TBL1XR1: variants seen among roughly 807,000 people sequenced by gnomAD.
TBL1XR1 encodes F-box-like/WD repeat-containing protein TBL1XR1.
A neutral mutation model predicts 66.9 loss-of-function variants in TBL1XR1; 5 were observed. That is an observed-to-expected ratio of 0.07 (90% CI 0.04 to 0.16). The LOEUF (loss-of-function observed/expected upper bound fraction) is 0.16. Ranked by LOEUF, TBL1XR1 falls within the 10% of genes least tolerant of loss-of-function variation. The pLI, the probability that TBL1XR1 is intolerant of heterozygous loss-of-function variation, is 1.00. For missense variants in TBL1XR1, 238 were observed against 623.2 expected, an observed-to-expected ratio of 0.38 and a Z score of 6.58; for synonymous variants, 210 against 206.0, an observed-to-expected ratio of 1.02 and a Z score of -0.17.
chr3:177,133,659 T>G (rs939982643), intron 1 of TBL1XR1, among the ~76,000 whole-genome samples: 5 of 152,062 alleles, frequency 3.3e-5, no homozygotes, highest in Non-Finnish European at 7.4e-5. Context: ...GCCAACACTT[T>G]GAGAGGCGGA....
In TBL1XR1 at chr3:177,135,344, T is replaced by C. The variant is rs1202947626; in HGVS notation, c.-121-36803A>G. On this transcript the variant is annotated intron_variant, in intron 1 of 15. Coordinates refer to ENST00000457928, the MANE Select transcript of TBL1XR1 (RefSeq NM_024665.7). ...GTGTGTGTGTGTGTGTATACATATA[T>C]ATATATATATATATATATATATATA... Among the ~76,000 whole-genome samples the C allele has an allele frequency of 5.9e-3, 83 of 14,186 alleles. 1 individual carries two copies. Among genetic ancestry groups the C allele is most frequent in the Non-Finnish European group, 8.9e-3 (73 of 8,248 alleles). The allele number at this position is 14,186 out of a possible 152,430, so 9.3% of individuals were successfully genotyped here.
intron 1 of TBL1XR1, among the ~76,000 whole-genome samples, chr3:177,185,076 A>AT (rs549114520): frequency 2.0e-5 from 3 of 151,508 alleles, no homozygotes; most frequent in South Asian, 2.1e-4. Flanking sequence ...CGATTTTTCA[A>AT]TTTTTTTTTC....
chr3:177,067,256 G>A (rs974613435), intron 2 of TBL1XR1, among the ~76,000 whole-genome samples: 4 of 152,118 alleles, frequency 2.6e-5, no homozygotes, highest in African/African-American at 9.7e-5. Context: ...TGTTTGTCAC[G>A]GGGAACAATT....
At chr3:177,078,466 T>C (rs1323825370) in intron 2 of TBL1XR1, among the ~76,000 whole-genome samples, 9 of 151,624 alleles carry the variant, frequency 5.9e-5, no homozygotes. Context: ...GAACCTGTAG[T>C]CCCAGCTACT....
At chr3:177,198,383 CT>C (rs1390472643), upstream of TBL1XR1, among the ~76,000 whole-genome samples, 2 of 152,136 alleles carry the variant, frequency 1.3e-5, no homozygotes, top group African/African-American at 4.8e-5. Context: ...AATAATGTAA[CT>C]AAATGTTTAC....
chr3:177,033,725 T>C (rs1298670003), intron 13 of TBL1XR1, among the ~76,000 whole-genome samples: 3 of 152,142 alleles, frequency 2.0e-5, no homozygotes, highest in Non-Finnish European at 4.4e-5. Flanking sequence ...GTGGTATACA[T>C]ACACCATGGA....
chr3:177,128,762 T>G (rs989963295), intron 1 of TBL1XR1, among the ~76,000 whole-genome samples: 1 of 152,242 alleles, frequency 6.6e-6, no homozygotes, highest in Non-Finnish European at 1.5e-5. Context: ...CACACAACTC[T>G]CTAAAGCTTC....
At chr3:177,108,843 A>G (rs1390313096) in intron 1 of TBL1XR1, among the ~76,000 whole-genome samples, 1 of 152,164 alleles carries the variant, frequency 6.6e-6, no homozygotes, top group African/African-American at 2.4e-5. Context: ...CCTCTTTGCC[A>G]GAGCAAATAG....
chr3:177,062,844 T>C (rs1718692105), intron 3 of TBL1XR1, among the ~76,000 whole-genome samples: 1 of 151,884 alleles, frequency 6.6e-6, no homozygotes, highest in East Asian at 1.9e-4. Context: ...GAAAAGCAAG[T>C]TTAAGAAGAC....
intron 1 of TBL1XR1, chr3:177,160,992 TC>T (rs1333435156): frequency 9.6e-5 from 14 of 145,110 alleles, no homozygotes; most frequent in African/African-American, 3.6e-4. Context: ...TGAAACTCTG[TC>T]TCAAAAAAAA....
At chr3:177,196,919 G>A (rs1577468250) in intron 1 of TBL1XR1, among the ~76,000 whole-genome samples, 3 of 151,738 alleles carry the variant, frequency 2.0e-5, no homozygotes, top group Admixed American at 6.6e-5. Flanking sequence ...AGAGGAAAAC[G>A]GGGGGATGGG....
At chr3:177,178,518 C>T (rs1451306128) in intron 1 of TBL1XR1, among the ~76,000 whole-genome samples, 4 of 151,958 alleles carry the variant, frequency 2.6e-5, no homozygotes, top group Admixed American at 2.6e-4. Flanking sequence ...AATAAAAATA[C>T]AAATAAAAAT....
intron 1 of TBL1XR1, among the ~76,000 whole-genome samples, chr3:177,140,799 A>G (rs1367906130): frequency 6.6e-6 from 1 of 152,224 alleles, no homozygotes; most frequent in African/African-American, 2.4e-5. Flanking sequence ...AAATCATCCT[A>G]CAGGAAAAAA....
At chr3:177,174,844 T>G (rs915354057) in intron 1 of TBL1XR1, among the ~76,000 whole-genome samples, 2 of 152,184 alleles carry the variant, frequency 1.3e-5, no homozygotes, top group African/African-American at 4.8e-5. Flanking sequence ...AACATAATCC[T>G]GCCGTTCCGT....
At position 177,021,879 on chromosome 3, in the gene TBL1XR1, A is replaced by C. The variant is rs1479289394; in HGVS notation, c.*3619T>G. 6.6e-6 allele frequency: 1 copy of C among 152,630 alleles called. No individual in the cohort carries two copies. The highest frequency in any genetic ancestry group is 6.5e-5 in the Admixed American group (1 of 15,280). The allele number at this position is 152,630 out of a possible 1,614,324, so 9.5% of individuals were successfully genotyped here. ...TTCTGTAGAAATGTACAATGTACTT[A>C]AGATAATGAAAATTGTAGCGCTGCA... On this transcript the variant is annotated 3_prime_UTR_variant, in exon 16 of 16. Coordinates refer to ENST00000457928, the MANE Select transcript of TBL1XR1 (RefSeq NM_024665.7).
intron 1 of TBL1XR1, among the ~76,000 whole-genome samples, chr3:177,148,887 C>G (rs1268143210): frequency 6.6e-6 from 1 of 150,700 alleles, no homozygotes; most frequent in East Asian, 2.0e-4. Flanking sequence ...GCCTGTGATC[C>G]CAGCTACTCG....
intron 1 of TBL1XR1, among the ~76,000 whole-genome samples, chr3:177,178,460 A>G (rs1734418099): frequency 6.6e-6 from 1 of 152,202 alleles, no homozygotes; most frequent in African/African-American, 2.4e-5. Flanking sequence ...AAAAAGGAAG[A>G]CCATCCCTAT....
At chr3:177,105,907 C>T (rs1724820836) in intron 1 of TBL1XR1, among the ~76,000 whole-genome samples, 1 of 152,096 alleles carries the variant, frequency 6.6e-6, no homozygotes, top group African/African-American at 2.4e-5. Context: ...TAACCTAAGG[C>T]AGGAGAGTCG....
At chr3:177,099,456 C>T (rs544715450) in intron 1 of TBL1XR1, 1 of 152,220 alleles carries the variant, frequency 6.6e-6, no homozygotes, top group South Asian at 2.1e-4. Context: ...GTTTCCACCA[C>T]GGAGTACAGT....
Sources: allele counts gnomAD v4.1 joint callset (sites outside exome capture counted in the v4.1 genomes callset), GRCh38; gene constraint gnomAD v4.1.1; transcripts MANE v1.5; gene names NCBI Gene and HGNC (gene_info 2026-07-23, HGNC 2026-07-21).